TLE4: variants seen among roughly 807,000 people sequenced by gnomAD.
The protein encoded by TLE4 is transducin-like enhancer protein 4.
TLE4 carries 8 observed loss-of-function variants against 92.8 expected under a neutral mutation model. The ratio of observed to expected loss-of-function variants is 0.09; its 90% confidence interval spans 0.05 to 0.16. The LOEUF is 0.16. Ranked by LOEUF, TLE4 falls within the 10% of genes least tolerant of loss-of-function variation. The probability of loss-of-function intolerance (pLI) is 1.00; values close to 1 mark genes in which losing one functional copy is unlikely to be tolerated. For synonymous variants in TLE4, 371 were observed against 374.1 expected, an observed-to-expected ratio of 0.99 and a Z score of 0.10; for missense variants, 675 against 997.6, an observed-to-expected ratio of 0.68 and a Z score of 4.36.
chr9:79,649,237 T>C (rs2058556621), intron 6 of TLE4, among the ~76,000 whole-genome samples: 1 of 149,550 alleles, frequency 6.7e-6, no homozygotes, highest in Non-Finnish European at 1.5e-5. Context: ...TGAAGAAGTT[T>C]GGGTGTGCGA....
intron 8 of TLE4, among the ~76,000 whole-genome samples, chr9:79,660,012 T>G (rs1156430613): frequency 6.6e-6 from 1 of 152,198 alleles, no homozygotes; most frequent in Non-Finnish European, 1.5e-5. Context: ...CACCAATGTA[T>G]ACAGACAAAC....
At chr9:79,721,569 G>A (rs1402685999) in intron 16 of TLE4, among the ~76,000 whole-genome samples, 172 bp from the exon 17 acceptor site, 1 of 152,090 alleles carries the variant, frequency 6.6e-6, no homozygotes, top group Non-Finnish European at 1.5e-5. Flanking sequence ...AGGACATGTG[G>A]CATCTCTTTG....
intron 4 of TLE4, among the ~76,000 whole-genome samples, chr9:79,609,922 C>CT (rs1287860443): frequency 6.6e-6 from 1 of 152,034 alleles, no homozygotes; most frequent in East Asian, 1.9e-4. Flanking sequence ...GATTCAAAGA[C>CT]TGGGAATATA....
chr9:79,685,856 A>C (rs1214397314), intron 8 of TLE4, among the ~76,000 whole-genome samples: 1 of 152,216 alleles, frequency 6.6e-6, no homozygotes, highest in Non-Finnish European at 1.5e-5. Context: ...TCACGTCAGA[A>C]GTAACTTCAT....
intron 7 of TLE4, among the ~76,000 whole-genome samples, chr9:79,653,698 T>C (rs996548886): frequency 6.6e-6 from 1 of 152,238 alleles, no homozygotes; most frequent in African/African-American, 2.4e-5. Flanking sequence ...TTATCACATA[T>C]GCATAAATAT....
Position 79,682,365 on chromosome 9 carries a change from C to G in TLE4, c.610-22418C>G, listed in dbSNP as rs531301810. Among the ~76,000 whole-genome samples, 5 of 152,246 alleles carry G rather than the reference C, an allele frequency of 3.3e-5. No individual in the cohort carries two copies. The East Asian group carries it at 7.7e-4, about 23-fold the overall frequency. Reference sequence around the variant, plus strand: ...CATCATATTGCCTTTAGGAAATTCCCCAGATACTGAATTCTAAAGCACATC... The same window carrying G: ...CATCATATTGCCTTTAGGAAATTCCGCAGATACTGAATTCTAAAGCACATC... On this transcript the variant is annotated intron_variant, in intron 8 of 19. Coordinates refer to ENST00000376552, the MANE Select transcript of TLE4 (RefSeq NM_007005.6).
At chr9:79,720,956 G>A (rs2075533226) in intron 16 of TLE4, among the ~76,000 whole-genome samples, 1 of 152,118 alleles carries the variant, frequency 6.6e-6, no homozygotes, top group Non-Finnish European at 1.5e-5. Flanking sequence ...TGATTTTCTA[G>A]GTGTCAATAC....
At chr9:79,700,866 G>A (rs984641744) in intron 8 of TLE4, among the ~76,000 whole-genome samples, 5 of 151,908 alleles carry the variant, frequency 3.3e-5, no homozygotes, top group East Asian at 1.9e-4. Flanking sequence ...ACACACACAC[G>A]CACACTCAAA....
At chr9:79,606,808 G>A (rs1481914000) in intron 4 of TLE4, among the ~76,000 whole-genome samples, 1 of 152,066 alleles carries the variant, frequency 6.6e-6, no homozygotes, top group East Asian at 1.9e-4. Context: ...CCAAGTCTTT[G>A]CTACTGTGAA....
At position 79,725,204 on chromosome 9, in the gene TLE4, T is replaced by G; in HGVS notation, c.*60T>G. ...TGGTAGCACTTTGCTCTGTCATCCT[T>G]TTTGTTCACCCCCATCCCCGCATCT... On this transcript the variant is annotated 3_prime_UTR_variant, in exon 20 of 20. Coordinates refer to ENST00000376552, the MANE Select transcript of TLE4 (RefSeq NM_007005.6). 8.0e-7 allele frequency: 1 copy of G among 1,255,728 alleles called. No individual in the cohort carries two copies. Among genetic ancestry groups the G allele is most frequent in the Admixed American group, 1.7e-5 (1 of 57,482 alleles). 77.8% of individuals were successfully genotyped at this position (1,255,728 alleles called of 1,614,324 possible).
chr9:79,587,054 T>G (rs2041296928), intron 4 of TLE4, among the ~76,000 whole-genome samples: 1 of 152,230 alleles, frequency 6.6e-6, no homozygotes, highest in African/African-American at 2.4e-5. Flanking sequence ...ACACTATACC[T>G]TATTCATTCT....
At chr9:79,573,637 C>G in intron 1 of TLE4, 52 bp from the exon 2 acceptor site, 1 of 1,449,332 alleles carries the variant, frequency 6.9e-7, no homozygotes, top group South Asian at 1.3e-5. Flanking sequence ...TCTCCGTCTC[C>G]CTGCTTCGCC....
In TLE4 at chr9:79,663,977, C is replaced by G. The variant is rs139005784; in HGVS notation, c.609+9902C>G. ...CCAATAAAGCGCGCACTGGTGGTCTCCCGTTGCCCTAGCAACGGGCCACGG... is the reference window on the plus strand; with the variant it reads ...CCAATAAAGCGCGCACTGGTGGTCTGCCGTTGCCCTAGCAACGGGCCACGG... On this transcript the variant is annotated intron_variant, in intron 8 of 19. Coordinates refer to ENST00000376552, the MANE Select transcript of TLE4 (RefSeq NM_007005.6). Among the ~76,000 whole-genome samples the G allele has an allele frequency of 7.5e-4, 114 of 152,308 alleles. No homozygotes were observed. The East Asian group carries it at 0.021, about 28-fold the overall frequency.
intron 4 of TLE4, among the ~76,000 whole-genome samples, chr9:79,610,716 TCTC>T (rs1282031600): frequency 6.6e-6 from 1 of 152,040 alleles, no homozygotes; most frequent in Admixed American, 6.6e-5. Context: ...AAAAGGCTCT[TCTC>T]CTTTTTACAT....
At chr9:79,650,018 T>C (rs2058704527) in intron 6 of TLE4, among the ~76,000 whole-genome samples, 1 of 151,684 alleles carries the variant, frequency 6.6e-6, no homozygotes. Context: ...CTGGCTCAGG[T>C]GATTCTCCCA....
Position 79,708,208 on chromosome 9 carries a change from T to A in TLE4, c.1027T>A (p.Leu343Met), listed in dbSNP as rs1189061004. 1 of 1,614,146 alleles carries A rather than the reference T, an allele frequency of 6.2e-7. No homozygotes were observed. Among genetic ancestry groups the A allele is most frequent in the Admixed American group, 1.7e-5 (1 of 60,016 alleles). Residue 343 changes from leucine to methionine, a missense_variant, in exon 12 of 20, where the codon TTG becomes ATG. Around this residue, in one of 5 missense-constraint regions of TLE4, gnomAD observed 280 missense variants for 287.3 expected, o/e 0.97. Transcript: ENST00000376552. ...CCCAGGCAGTAACTCTACTCCCGGA[T>A]TGAGGCCTGTACCTGGAAAACCACC... ...PTPGSNSTPG[L>M]RPVPGKPPGV... is the part of the protein sequence containing the mutation.
At chr9:79,610,350 G>T (rs2048081710) in intron 4 of TLE4, among the ~76,000 whole-genome samples, 1 of 152,048 alleles carries the variant, frequency 6.6e-6, no homozygotes, top group South Asian at 2.1e-4. Context: ...AGAAGTGTGT[G>T]TCCACAGTGT....
At chr9:79,680,948 G>T (rs887833929) in intron 8 of TLE4, among the ~76,000 whole-genome samples, 1 of 152,070 alleles carries the variant, frequency 6.6e-6, no homozygotes, top group Non-Finnish European at 1.5e-5. Flanking sequence ...TGCGTTTGTT[G>T]AACCAGCCTT....
chr9:79,652,710 C>T lies in TLE4; in HGVS notation c.508C>T (p.Leu170=), dbSNP rs1387777291. Reference sequence around the variant, plus strand: ...ACCCATCGGTAGCAGTGCCGGGCTTCTGGCCCTCTCCAGTGCTCTAGGAGG... The same window carrying T: ...ACCCATCGGTAGCAGTGCCGGGCTTTTGGCCCTCTCCAGTGCTCTAGGAGG... ...IPPIGSSAGL[L]ALSSALGGQS... is the part of the protein sequence containing the mutation. The change falls in exon 7 of 20, where the codon CTG becomes TTG. Residue 170 remains leucine, a synonymous_variant. Transcript: ENST00000376552. The T allele has an allele frequency of 6.2e-7, 1 of 1,614,100 alleles. No homozygotes were observed. Among genetic ancestry groups the T allele is most frequent in the Non-Finnish European group, 8.5e-7 (1 of 1,180,056 alleles).
Sources: gnomAD v4.1 joint callset for allele counts (sites outside exome capture counted in the v4.1 genomes callset) on GRCh38, gnomAD v4.1.1 for gene constraint, gnomAD v4.1.1 regional missense constraint, MANE v1.5 for transcripts, NCBI Gene and HGNC (gene_info 2026-07-23, HGNC 2026-07-21) for gene names.